PCDH9: variants seen among roughly 807,000 people sequenced by gnomAD.
PCDH9 encodes protocadherin 9.
Under a neutral mutation model 70.6 loss-of-function variants are expected in PCDH9, and 24 were observed. The ratio of observed to expected loss-of-function variants is 0.34; its 90% confidence interval spans 0.25 to 0.48. The LOEUF (loss-of-function observed/expected upper bound fraction) is 0.48. Among genes scored for constraint, PCDH9 ranks in the 20% least tolerant of loss-of-function variants. PCDH9 has a pLI of 0.99. For synonymous variants in PCDH9, 562 were observed against 558.5 expected (o/e 1.01, Z -0.09); for missense variants, 1,281 against 1,503.6 (o/e 0.85, Z 2.45).
At chr13:66,352,698 T>A (rs781294930) in intron 4 of PCDH9, among the ~76,000 whole-genome samples, 7 of 152,138 alleles carry the variant, frequency 4.6e-5, no homozygotes. Context: ...CACATTGAGG[T>A]TTAGTGCTTC....
chr13:66,765,253 C>T (rs747621756), intron 3 of PCDH9, among the ~76,000 whole-genome samples: 2 of 151,912 alleles, frequency 1.3e-5, no homozygotes, highest in Non-Finnish European at 2.9e-5. Context: ...GAATCCTGTA[C>T]AAAACTGGTG....
chr13:67,185,959 C>T lies in PCDH9; in HGVS notation c.3036+39446G>A, dbSNP rs1485037730. On this transcript the variant is annotated intron_variant, in intron 2 of 4. Coordinates refer to ENST00000377865, the MANE Select transcript of PCDH9 (RefSeq NM_203487.3). ...GTTGGTCAGGCTGGTCTCAAACTCC[C>T]GACCTCAGGTGATCTGCCTGCCTTG... is the stretch of plus-strand genomic sequence containing the variant. 5.3e-5 allele frequency among the ~76,000 whole-genome samples: 8 copies of T among 152,052 alleles called. No homozygotes were observed. In the East Asian group the frequency reaches 7.7e-4, roughly 15 times the overall value.
At chr13:66,874,209 A>C (rs1025731789) in intron 3 of PCDH9, among the ~76,000 whole-genome samples, 7 of 152,124 alleles carry the variant, frequency 4.6e-5, no homozygotes, top group Non-Finnish European at 8.8e-5. Flanking sequence ...CATTTTCAGT[A>C]GCAATCTAAA....
chr13:67,182,964 T>C (rs1289717986), intron 2 of PCDH9, among the ~76,000 whole-genome samples: 1 of 152,170 alleles, frequency 6.6e-6, no homozygotes, highest in Admixed American at 6.6e-5. Flanking sequence ...TGAACAAGAA[T>C]GGCCCTATTA....
At chr13:66,682,547 G>A (rs1033142488) in intron 3 of PCDH9, among the ~76,000 whole-genome samples, 1 of 151,930 alleles carries the variant, frequency 6.6e-6, no homozygotes, top group Non-Finnish European at 1.5e-5. Flanking sequence ...TCCACCCAAA[G>A]GCTTTGCACA....
chr13:67,012,464 C>T (rs1008552907), intron 2 of PCDH9, among the ~76,000 whole-genome samples: 4 of 151,520 alleles, frequency 2.6e-5, no homozygotes, highest in African/African-American at 9.7e-5. Context: ...TTCATTGATG[C>T]AAGAAAGAAA....
chr13:67,099,924 T>A (rs2086397467), intron 2 of PCDH9, among the ~76,000 whole-genome samples: 2 of 152,256 alleles, frequency 1.3e-5, no homozygotes, highest in African/African-American at 4.8e-5. Context: ...TAATAATGGG[T>A]CCCCATGCTC....
At chr13:67,119,331 G>A (rs1409725480) in intron 2 of PCDH9, among the ~76,000 whole-genome samples, 4 of 151,896 alleles carry the variant, frequency 2.6e-5, no homozygotes, top group South Asian at 2.1e-4. Context: ...ATAGCTGTTT[G>A]GATCAACACA....
chr13:66,577,916 T>C (rs2076837343), intron 4 of PCDH9, among the ~76,000 whole-genome samples: 1 of 152,076 alleles, frequency 6.6e-6, no homozygotes, highest in African/African-American at 2.4e-5. Flanking sequence ...ATTTATTATT[T>C]CTTAAAGTGC....
At chr13:66,985,807 T>C (rs926785707) in intron 2 of PCDH9, 2 of 151,950 alleles carry the variant, frequency 1.3e-5, no homozygotes, top group African/African-American at 2.4e-5. Context: ...GGAGTTGGGG[T>C]GGATTATGCT....
intron 4 of PCDH9, among the ~76,000 whole-genome samples, chr13:66,550,645 G>A (rs1961442347): frequency 6.6e-6 from 1 of 152,122 alleles, no homozygotes; most frequent in Non-Finnish European, 1.5e-5. Context: ...ATAGCACAGA[G>A]CCCCATATCA....
chr13:66,388,743 A>G (rs1956971924), intron 4 of PCDH9, among the ~76,000 whole-genome samples: 1 of 152,128 alleles, frequency 6.6e-6, no homozygotes. Context: ...ATGAGTACTT[A>G]TTTCAAAATT....
At chr13:66,547,950 A>G (rs960927661) in intron 4 of PCDH9, among the ~76,000 whole-genome samples, 106 of 147,976 alleles carry the variant, frequency 7.2e-4, no homozygotes, top group African/African-American at 2.3e-3. Flanking sequence ...ATATTTAATT[A>G]TAAAATAGTA....
chr13:66,799,544 G>A (rs1197109708), intron 3 of PCDH9, among the ~76,000 whole-genome samples: 1 of 152,118 alleles, frequency 6.6e-6, no homozygotes, highest in Non-Finnish European at 1.5e-5. Flanking sequence ...GTAATTAACT[G>A]CTAAGAACTA....
chr13:66,828,159 C>T (rs2080857841), intron 3 of PCDH9, among the ~76,000 whole-genome samples: 1 of 151,986 alleles, frequency 6.6e-6, no homozygotes, highest in African/African-American at 2.4e-5. Context: ...CGTGAAAGTA[C>T]TAATAACTAA....
At chr13:67,169,762 T>C (rs566047179) in intron 2 of PCDH9, among the ~76,000 whole-genome samples, 2 of 152,354 alleles carry the variant, frequency 1.3e-5, no homozygotes, top group Non-Finnish European at 2.9e-5. Context: ...ATAAAGCTTC[T>C]ACTAACCAAG....
At chr13:66,751,892 G>C (rs186760632) in intron 3 of PCDH9, among the ~76,000 whole-genome samples, 1 of 152,282 alleles carries the variant, frequency 6.6e-6, no homozygotes, top group Admixed American at 6.5e-5. Flanking sequence ...ACCAGTATTA[G>C]ACTCATGAAA....
intron 4 of PCDH9, among the ~76,000 whole-genome samples, chr13:66,308,479 C>A (rs1955507336): frequency 1.3e-5 from 2 of 151,992 alleles, no homozygotes; most frequent in Non-Finnish European, 2.9e-5. Context: ...TTTTAAAGAT[C>A]CATCCTCAGG....
rs2086895336 is a variant in PCDH9 at position 67,122,472 on chromosome 13, C to T, written c.3036+102933G>A. ...AAAGTTGAGGCTCAGTGTGAACTAA[C>T]ATATAAAAAGGAAATAATCCAGACG... On this transcript the variant is annotated intron_variant, in intron 2 of 4. Transcript: ENST00000377865. Among the ~76,000 whole-genome samples, 3 of 151,900 alleles carry T rather than the reference C, an allele frequency of 2.0e-5. No homozygotes were observed. The South Asian group carries it at 6.2e-4, about 32-fold the overall frequency.
Sources: allele counts gnomAD v4.1 joint callset (sites outside exome capture counted in the v4.1 genomes callset), GRCh38; gene constraint gnomAD v4.1.1; transcripts MANE v1.5; gene names NCBI Gene and HGNC (gene_info 2026-07-23, HGNC 2026-07-21).